Variants in DZANK1 observed in about 807,000 individuals in gnomAD.
DZANK1 encodes double zinc ribbon and ankyrin repeat-containing protein 1.
DZANK1 carries 91 observed loss-of-function variants against 94.5 expected under a neutral mutation model. The ratio of observed to expected loss-of-function variants is 0.96; its 90% CI spans 0.81 to 1.15. The LOEUF (loss-of-function observed/expected upper bound fraction) is 1.15. DZANK1 is among the 50% of genes most tolerant of loss of function. DZANK1 has a pLI of 0.00. For missense variants in DZANK1, 903 were observed against 916.4 expected (o/e 0.99, Z 0.19); for synonymous variants, 312 against 325.3 (o/e 0.96, Z 0.44).
rs2056956459 is a variant in DZANK1, at chr20:18,406,243, T to G, written c.1432+6403A>C. On this transcript the variant is annotated intron_variant, in intron 13 of 20. Coordinates refer to ENST00000262547, the Ensembl canonical transcript of DZANK1. Reference sequence around the variant, plus strand: ...CATGGTTTAAGGAGGACTTGTAATATTCCTTCTCCAACTCCAGGCAGTGCA... The same window carrying G: ...CATGGTTTAAGGAGGACTTGTAATAGTCCTTCTCCAACTCCAGGCAGTGCA... 1.3e-5 allele frequency among the ~76,000 whole-genome samples: 2 copies of G among 152,204 alleles called. 1 individual carries two copies. Among genetic ancestry groups the G allele is most frequent in the South Asian group, 4.1e-4 (2 of 4,826 alleles).
chr20:18,405,017 G>C (rs925900716), intron 13 of DZANK1, among the ~76,000 whole-genome samples: 2 of 151,868 alleles, frequency 1.3e-5, no homozygotes, highest in African/African-American at 4.8e-5. Context: ...AATATAGTGA[G>C]ACCCCATCTC....
chr20:18,449,069 A>T, exon 7 of DZANK1: 1 of 1,613,184 alleles, frequency 6.2e-7, no homozygotes, highest in Non-Finnish European at 8.5e-7. Flanking sequence ...AAACCGGGGG[A>T]CTAAAATTAA....
intron 7 of DZANK1, among the ~76,000 whole-genome samples, chr20:18,447,012 T>A (rs550460907): frequency 3.4e-4 from 52 of 152,374 alleles, no homozygotes; most frequent in African/African-American, 1.2e-3. Flanking sequence ...ATTTCAGGGA[T>A]GTAAGGTTGA....
chr20:18,400,320 C>T (rs1420347686), intron 13 of DZANK1, among the ~76,000 whole-genome samples: 1 of 152,162 alleles, frequency 6.6e-6, no homozygotes, highest in African/African-American at 2.4e-5. Flanking sequence ...GGGGCCCGAT[C>T]TTGCTGGGGA....
chr20:18,450,134 G>C (rs2059048033), intron 6 of DZANK1, among the ~76,000 whole-genome samples: 1 of 151,772 alleles, frequency 6.6e-6, no homozygotes, highest in South Asian at 2.1e-4. Flanking sequence ...ACAAACTTCA[G>C]TATCTATTTT....
chr20:18,438,218 C>CAAAAAAAAAAAAAAAAAAA (rs761846698), intron 8 of DZANK1, among the ~76,000 whole-genome samples: 2 of 57,724 alleles, frequency 3.5e-5, no homozygotes, highest in African/African-American at 7.2e-5. Flanking sequence ...GACTCTGTCT[C>CAAAAAAAAAAAAAAAAAAA]AAAAAAAAAA....
chr20:18,442,959 T>C (rs1233624252), intron 8 of DZANK1, among the ~76,000 whole-genome samples: 1 of 152,230 alleles, frequency 6.6e-6, no homozygotes, highest in East Asian at 1.9e-4. Flanking sequence ...GACAGAATGA[T>C]GCATCTTATG....
chr20:18,449,970 C>T (rs1438987867), intron 6 of DZANK1, among the ~76,000 whole-genome samples: 1 of 151,566 alleles, frequency 6.6e-6, no homozygotes, highest in Non-Finnish European at 1.5e-5. Context: ...CCCAGCTACT[C>T]AGGAGGCTGA....
chr20:18,435,852 AT>A (rs2058500374), intron 8 of DZANK1, among the ~76,000 whole-genome samples: 2 of 152,162 alleles, frequency 1.3e-5, no homozygotes, highest in Non-Finnish European at 2.9e-5. Context: ...TTTAAAAAAA[AT>A]AAAAAGCCTG....
intron 8 of DZANK1, among the ~76,000 whole-genome samples, chr20:18,434,723 T>A (rs193168416): frequency 1.3e-5 from 2 of 151,970 alleles, no homozygotes; most frequent in African/African-American, 4.8e-5. Flanking sequence ...GCCCCCTCCT[T>A]CTCTAACTCT....
chr20:18,427,142 C>A, exon 10 of DZANK1: 2 of 1,612,430 alleles, frequency 1.2e-6, no homozygotes, highest in South Asian at 1.1e-5. Context: ...TACCACAGGC[C>A]CGGCAAATTA....
intron 6 of DZANK1, among the ~76,000 whole-genome samples, chr20:18,449,774 A>C (rs1167036377): frequency 1.5e-5 from 2 of 133,900 alleles, no homozygotes; most frequent in South Asian, 4.9e-4. Flanking sequence ...AAAAAAAAAA[A>C]GTAAAAATAA....
intron 5 of DZANK1, 46 bp downstream of exon 5, chr20:18,453,685 G>A (rs1027916041): frequency 7.3e-7 from 1 of 1,368,476 alleles, no homozygotes; most frequent in Non-Finnish European, 1.0e-6. Context: ...AACCTCTTCG[G>A]TGGGTTCAGA....
chr20:18,425,488 T>C lies in DZANK1; in HGVS notation c.954+1579A>G, dbSNP rs368908611. 1.7e-3 allele frequency among the ~76,000 whole-genome samples: 259 copies of C among 151,250 alleles called. 3 individuals are homozygous for C. The highest frequency in any genetic ancestry group is 0.015 in the East Asian group (78 of 5,132). ...ATCGCTTGAACCAGGGAGGCGGAGG[T>C]TGCAGTGAGCCGAGACTGCACCACT... On this transcript the variant is annotated intron_variant, in intron 10 of 20. Transcript: ENST00000262547.
chr20:18,433,455 T>A (rs1469320559), intron 9 of DZANK1, 197 bp downstream of exon 9: 1 of 527,490 alleles, frequency 1.9e-6, no homozygotes, highest in African/African-American at 1.9e-5. Flanking sequence ...GGCAGGAGAA[T>A]CACTTGAACT....
At chr20:18,387,582 G>C (rs2048581898) in intron 19 of DZANK1, among the ~76,000 whole-genome samples, 1 of 152,216 alleles carries the variant, frequency 6.6e-6, no homozygotes, top group Non-Finnish European at 1.5e-5. Flanking sequence ...CAGTGAGGAA[G>C]GGCAGCTCTT....
intron 13 of DZANK1, among the ~76,000 whole-genome samples, chr20:18,405,436 A>G (rs2056913717): frequency 6.6e-6 from 1 of 152,214 alleles, no homozygotes; most frequent in Non-Finnish European, 1.5e-5. Context: ...GGAATGAAGA[A>G]AAATGAACAG....
intron 13 of DZANK1, among the ~76,000 whole-genome samples, chr20:18,399,451 A>G (rs1904281159): frequency 6.6e-6 from 1 of 152,058 alleles, no homozygotes; most frequent in South Asian, 2.1e-4. Flanking sequence ...GCTGGTCACA[A>G]ACTCCTGGGC....
At chr20:18,402,744 T>C (rs1394029941) in intron 13 of DZANK1, among the ~76,000 whole-genome samples, 2 of 152,216 alleles carry the variant, frequency 1.3e-5, no homozygotes, top group South Asian at 4.1e-4. Flanking sequence ...AGTCTCTCAC[T>C]CTGCCTCATG....
Sources: allele counts gnomAD v4.1 joint callset (sites outside exome capture counted in the v4.1 genomes callset), GRCh38; gene constraint gnomAD v4.1.1; transcripts MANE v1.5; gene names NCBI Gene and HGNC (gene_info 2026-07-23, HGNC 2026-07-21).